Variants in NHSL1 observed in about 807,000 individuals in gnomAD.
NHSL1 encodes the protein NHS like 1.
A neutral mutation model predicts 95.0 loss-of-function variants in NHSL1; 48 were observed. That is an observed-to-expected ratio of 0.51 (90% CI 0.40 to 0.64). NHSL1 has a LOEUF of 0.64. NHSL1 is among the 30% of genes least tolerant of loss of function. NHSL1 has a pLI of 0.00. For missense variants in NHSL1, 1,971 were observed against 2,077.7 expected (o/e 0.95, Z 1.00); for synonymous variants, 783 against 833.9 (o/e 0.94, Z 1.05).
upstream of NHSL1, among the ~76,000 whole-genome samples, chr6:138,575,986 T>C (rs1562380485): frequency 1.3e-5 from 2 of 151,224 alleles, no homozygotes; most frequent in East Asian, 3.9e-4. Flanking sequence ...TATTTATTTA[T>C]TTATTTATTT....
chr6:138,650,971 C>A, intron 1 of NHSL1: 1 of 520,276 alleles, frequency 1.9e-6, no homozygotes, highest in Non-Finnish European at 3.9e-6. Flanking sequence ...TCCTCCCCAG[C>A]ACATAAGGCT....
At chr6:138,486,215 GTAA>G (rs1213299642) in intron 2 of NHSL1, among the ~76,000 whole-genome samples, 1 of 152,094 alleles carries the variant, frequency 6.6e-6, no homozygotes, top group Admixed American at 6.6e-5. Context: ...TTTAAAACAT[GTAA>G]TAATATCAGC....
rs569842588 is a variant in NHSL1 at position 138,674,146 on chromosome 6, AT to A, written c.96+18329del. ...TAGAGCTAAGTAAAAAAAGCAACAA[AT>A]TTTTTTTTTCAATTTTTAAAATATA... On this transcript the variant is annotated intron_variant, in intron 1 of 3. Transcript: ENST00000491526. Among the ~76,000 whole-genome samples the A allele has an allele frequency of 9.8e-3, 1,482 of 151,166 alleles. 14 individuals are homozygous for A. Among genetic ancestry groups the A allele is most frequent in the South Asian group, 0.012 (57 of 4,796 alleles).
At chr6:138,560,965 A>G (rs1259504888) in intron 1 of NHSL1, among the ~76,000 whole-genome samples, 1 of 152,250 alleles carries the variant, frequency 6.6e-6, no homozygotes, top group African/African-American at 2.4e-5. Flanking sequence ...GACAAAACTC[A>G]AGTGATACTG....
Position 138,432,279 on chromosome 6 carries a change from C to A in NHSL1, c.2066G>T (p.Ser689Ile). Residue 689 changes from serine (S) to isoleucine (I), a missense_variant, in exon 6 of 8, where the codon AGC (serine) becomes ATC (isoleucine). Transcript: ENST00000343505. This position sits in a 1 kb window ranked among gnomAD's most constrained non-coding sequence, Gnocchi z 4.4. ...GTTGAGCACCTGCCCGTTGCACTGGCTGCTCTTCTTGGGAATCCTGCGGAG... is the reference window on the plus strand; with the variant it reads ...GTTGAGCACCTGCCCGTTGCACTGGATGCTCTTCTTGGGAATCCTGCGGAG... The part of the protein sequence containing the change: ...DSLRRIPKKS[S>I]QCNGQVLNES... 6.4e-7 allele frequency: 1 copy of A among 1,551,230 alleles called. No homozygotes were observed. Among genetic ancestry groups the A allele is most frequent in the African/African-American group, 1.4e-5 (1 of 73,106 alleles).
chr6:138,654,620 T>C (rs1785133036), intron 1 of NHSL1, among the ~76,000 whole-genome samples: 1 of 152,202 alleles, frequency 6.6e-6, no homozygotes, highest in Admixed American at 6.6e-5. Flanking sequence ...TCAGTACACA[T>C]ATCATTGTTT....
intron 1 of NHSL1, among the ~76,000 whole-genome samples, chr6:138,585,159 A>G (rs763224941): frequency 1.3e-5 from 2 of 152,222 alleles, no homozygotes; most frequent in African/African-American, 2.4e-5. Flanking sequence ...TGGCTGGTGG[A>G]CCAGCACAGA....
At chr6:138,434,410 TAAA>T (rs373971787) in intron 5 of NHSL1, among the ~76,000 whole-genome samples, 2 of 138,526 alleles carry the variant, frequency 1.4e-5, no homozygotes. Context: ...AATAGTATGT[TAAA>T]AAAAAAAAAA....
intron 1 of NHSL1, among the ~76,000 whole-genome samples, chr6:138,608,522 G>T (rs1784464795): frequency 6.6e-6 from 1 of 152,080 alleles, no homozygotes; most frequent in Admixed American, 6.6e-5. Context: ...TATAAAATAG[G>T]CATCATTATA....
chr6:138,583,110 G>A (rs1438199857), intron 1 of NHSL1, among the ~76,000 whole-genome samples: 1 of 152,158 alleles, frequency 6.6e-6, no homozygotes, highest in Admixed American at 6.5e-5. Flanking sequence ...TTAAAATGGG[G>A]GCAGTCCTGG....
At chr6:138,464,942 G>T (rs1238778480) in intron 3 of NHSL1, among the ~76,000 whole-genome samples, 1 of 150,482 alleles carries the variant, frequency 6.6e-6, no homozygotes, top group Non-Finnish European at 1.5e-5. Context: ...CAAACTCCTG[G>T]CCTCAGGTGA....
chr6:138,653,416 T>C (rs1785116874), intron 1 of NHSL1, among the ~76,000 whole-genome samples: 1 of 152,152 alleles, frequency 6.6e-6, no homozygotes, highest in South Asian at 2.1e-4. Flanking sequence ...TAGCCAGGCG[T>C]AGTGGCATGT....
At chr6:138,661,129 A>G (rs1461902804) in intron 1 of NHSL1, among the ~76,000 whole-genome samples, 9 of 152,186 alleles carry the variant, frequency 5.9e-5, no homozygotes, top group Non-Finnish European at 1.2e-4. Context: ...TTTTTTATGT[A>G]TGTGTATGGT....
At chr6:138,667,202 A>G (rs1412784175) in intron 1 of NHSL1, among the ~76,000 whole-genome samples, 1 of 152,244 alleles carries the variant, frequency 6.6e-6, no homozygotes, top group Admixed American at 6.5e-5. Flanking sequence ...AAAGGCAAAG[A>G]ACTAGAATTG....
At chr6:138,629,652 C>A (rs1053110119) in intron 1 of NHSL1, among the ~76,000 whole-genome samples, 1 of 152,112 alleles carries the variant, frequency 6.6e-6, no homozygotes, top group African/African-American at 2.4e-5. Context: ...CAAAGTGTTG[C>A]GATTACAGGC....
chr6:138,480,190 C>T (rs1420939890), intron 2 of NHSL1, among the ~76,000 whole-genome samples: 1 of 152,176 alleles, frequency 6.6e-6, no homozygotes, highest in Non-Finnish European at 1.5e-5. Context: ...ATATCAAAAT[C>T]CATGCATACT....
chr6:138,622,393 G>T (rs9321667), intron 1 of NHSL1, among the ~76,000 whole-genome samples: 5,083 of 152,114 alleles, frequency 0.033, 275 homozygotes, highest in African/African-American at 0.12. Flanking sequence ...AGTCCCAGCT[G>T]CTGGGGAGGC....
At chr6:138,457,576 T>A (rs1478374170) in intron 3 of NHSL1, among the ~76,000 whole-genome samples, 1 of 152,228 alleles carries the variant, frequency 6.6e-6, no homozygotes, top group Non-Finnish European at 1.5e-5. Context: ...TTAGATGATT[T>A]TTGTAAGAAA....
At chr6:138,481,657 A>C (rs1359320346) in intron 2 of NHSL1, among the ~76,000 whole-genome samples, 1 of 152,228 alleles carries the variant, frequency 6.6e-6, no homozygotes, top group Non-Finnish European at 1.5e-5. Context: ...GTTTTAAATA[A>C]GTTTCAAATA....
Sources: allele counts gnomAD v4.1 joint callset (sites outside exome capture counted in the v4.1 genomes callset), GRCh38; gene constraint gnomAD v4.1.1; non-coding constraint Gnocchi (gnomAD v3.1); transcripts MANE v1.5; gene names NCBI Gene and HGNC (gene_info 2026-07-23, HGNC 2026-07-21).